Variants in SEL1L3 observed in about 807,000 individuals in gnomAD.
SEL1L3 encodes the protein SEL1L family member 3.
SEL1L3 carries 76 observed loss-of-function variants against 142.8 expected under a neutral mutation model. The observed-to-expected ratio is 0.53, with a 90% CI of 0.44 to 0.64. The LOEUF (loss-of-function observed/expected upper bound fraction) is 0.64. Among genes scored for constraint, SEL1L3 ranks in the 30% least tolerant of loss-of-function variants. The probability of loss-of-function intolerance (pLI) is 0.00; values close to 1 mark genes in which losing one functional copy is unlikely to be tolerated. For synonymous variants in SEL1L3, 504 were observed against 519.6 expected, an observed-to-expected ratio of 0.97 and a Z score of 0.41; for missense variants, 1,262 against 1,381.7, an observed-to-expected ratio of 0.91 and a Z score of 1.37.
intron 11 of SEL1L3, among the ~76,000 whole-genome samples, chr4:25,797,956 T>A (rs915584809): frequency 6.6e-6 from 1 of 151,402 alleles, no homozygotes; most frequent in African/African-American, 2.4e-5. Flanking sequence ...CCAGAGGGGG[T>A]GACATCTGAG....
chr4:25,821,234 C>T (rs989912198), intron 7 of SEL1L3, among the ~76,000 whole-genome samples: 1 of 152,164 alleles, frequency 6.6e-6, no homozygotes, highest in African/African-American at 2.4e-5. Flanking sequence ...AGCAGGACTC[C>T]CCATTTTTCC....
intron 9 of SEL1L3, among the ~76,000 whole-genome samples, chr4:25,805,314 T>G (rs2109226336): frequency 6.6e-6 from 1 of 152,332 alleles, no homozygotes; most frequent in South Asian, 2.1e-4. Context: ...ATTATGTCAT[T>G]TAATTGGTAC....
chr4:25,765,284 G>A (rs552957446), intron 20 of SEL1L3, 42 bp downstream of exon 20: 12 of 1,371,102 alleles, frequency 8.8e-6, no homozygotes, highest in East Asian at 2.3e-5. Context: ...ATGAGCCACC[G>A]TGCCCGGCCA....
intron 1 of SEL1L3, among the ~76,000 whole-genome samples, chr4:25,850,814 G>T (rs536544567): frequency 3.3e-5 from 5 of 151,714 alleles, no homozygotes; most frequent in East Asian, 1.9e-4. Context: ...TGGTTTTTTT[G>T]TTTGTTTTTG....
chr4:25,818,034 A>G, intron 9 of SEL1L3, 104 bp downstream of exon 9: 1 of 1,227,918 alleles, frequency 8.1e-7, no homozygotes, highest in Non-Finnish European at 1.1e-6. Flanking sequence ...CACTAGGGTT[A>G]AAAATAACTT....
intron 11 of SEL1L3, among the ~76,000 whole-genome samples, chr4:25,795,123 A>G (rs1712631285): frequency 6.6e-6 from 1 of 152,114 alleles, no homozygotes. Flanking sequence ...TTAGATGATG[A>G]GTTGATAGGT....
At chr4:25,756,427 AT>A in intron 23 of SEL1L3, 1 of 985,236 alleles carries the variant, frequency 1.0e-6, no homozygotes, top group Non-Finnish European at 1.2e-6. Context: ...TGCCAGATAA[AT>A]ATAACAGCTA....
downstream of SEL1L3, among the ~76,000 whole-genome samples, chr4:25,743,712 T>A (rs1297885090): frequency 1.3e-5 from 2 of 152,230 alleles, no homozygotes; most frequent in East Asian, 3.8e-4. Flanking sequence ...TTTATCTCAG[T>A]GAGCAGAGGG....
intron 2 of SEL1L3, among the ~76,000 whole-genome samples, chr4:25,841,024 T>C (rs74598915): frequency 6.6e-6 from 1 of 152,272 alleles, no homozygotes; most frequent in African/African-American, 2.4e-5. Flanking sequence ...ATTCCTTTTT[T>C]TTTTTTCCTT....
At chr4:25,776,150 A>C in intron 17 of SEL1L3, 127 bp downstream of exon 17, 1 of 615,494 alleles carries the variant, frequency 1.6e-6, no homozygotes, top group Non-Finnish European at 3.0e-6. Context: ...GATACTCTGA[A>C]TATCATTACT....
intron 11 of SEL1L3, among the ~76,000 whole-genome samples, chr4:25,797,388 G>C (rs1352449515): frequency 6.6e-6 from 1 of 152,184 alleles, no homozygotes; most frequent in Non-Finnish European, 1.5e-5. Flanking sequence ...CGAGGAACTT[G>C]CCTCTTAGCG....
At chr4:25,738,132 C>T in the SEL1L3 span, among the ~76,000 whole-genome samples, 11 of 152,116 alleles carry the variant, frequency 7.2e-5, no homozygotes, top group Non-Finnish European at 1.0e-4. Flanking sequence ...CAAGTGATCC[C>T]TCCGCCTGAA....
At chr4:25,799,638 T>C (rs927236285) in intron 11 of SEL1L3, among the ~76,000 whole-genome samples, 2 of 152,006 alleles carry the variant, frequency 1.3e-5, no homozygotes, top group African/African-American at 4.8e-5. Context: ...AAAAGTGGTA[T>C]GGAAAGCTGT....
chr4:25,738,551 A>G, the SEL1L3 span, among the ~76,000 whole-genome samples: 5 of 152,216 alleles, frequency 3.3e-5, no homozygotes, highest in African/African-American at 4.8e-5. Flanking sequence ...AAAAGATTAT[A>G]TTGTGCACTA....
In SEL1L3 at chr4:25,782,655, AATGTTATCCCCCAAATC is replaced by A. The variant is rs1309579558; in HGVS notation, c.2281-254_2281-238del. On this transcript the variant is annotated intron_variant, in intron 14 of 23. Transcript: ENST00000399878. ...GGATTCTGCCTTCCATCTCTGCAGC[AATGTTATCCCCCAAATC>A]ATTGTTCTGCTCCTTTGGGCTCTTA... Among the ~76,000 whole-genome samples, 13 of 152,288 alleles carry A rather than the reference AATGTTATCCCCCAAATC, an allele frequency of 8.5e-5. No individual in the cohort carries two copies. In the East Asian group the frequency reaches 1.9e-3, roughly 23 times the overall value.
chr4:25,832,974 A>G, intron 5 of SEL1L3, 21 bp downstream of exon 5: 6 of 1,355,546 alleles, frequency 4.4e-6, no homozygotes, highest in Non-Finnish European at 6.3e-6. Context: ...ATGTCGTGTG[A>G]TGAAGCGTGC....
chr4:25,851,140 T>C (rs898798536), intron 1 of SEL1L3, among the ~76,000 whole-genome samples: 2 of 152,164 alleles, frequency 1.3e-5, no homozygotes, highest in Admixed American at 6.5e-5. Context: ...CGTGAGCCAC[T>C]GTGCCCAGCC....
intron 6 of SEL1L3, 138 bp downstream of exon 6, chr4:25,829,960 T>A (rs567924203): frequency 1.4e-5 from 9 of 637,162 alleles, no homozygotes; most frequent in Non-Finnish European, 2.5e-5. Context: ...AAAGACTAGC[T>A]ACAGGGCAGA....
intron 2 of SEL1L3, among the ~76,000 whole-genome samples, chr4:25,843,693 C>A (rs1016267397): frequency 2.0e-5 from 3 of 152,254 alleles, no homozygotes; most frequent in South Asian, 2.1e-4. Context: ...AACACGTGCA[C>A]CGGGGGCATG....
Sources: allele counts gnomAD v4.1 joint callset (sites outside exome capture counted in the v4.1 genomes callset), GRCh38; gene constraint gnomAD v4.1.1; transcripts MANE v1.5; gene names NCBI Gene and HGNC (gene_info 2026-07-23, HGNC 2026-07-21).